TADA2A: variants seen among roughly 807,000 people sequenced by gnomAD.
TADA2A encodes the protein transcriptional adaptor 2A, also known as transcriptional adapter 2-alpha.
Under a neutral mutation model 67.4 loss-of-function variants are expected in TADA2A, and 38 were observed. The observed-to-expected ratio is 0.56, with a 90% CI of 0.44 to 0.74. The LOEUF is 0.74. Among genes scored for constraint, TADA2A ranks in the 30% least tolerant of loss-of-function variants. TADA2A has a pLI of 0.00. For synonymous variants in TADA2A, 192 were observed against 181.6 expected (o/e 1.06, Z -0.46); for missense variants, 454 against 547.0 (o/e 0.83, Z 1.70).
chr17:37,453,105 C>T (rs1043458255), intron 8 of TADA2A, among the ~76,000 whole-genome samples: 2 of 152,172 alleles, frequency 1.3e-5, no homozygotes, highest in Non-Finnish European at 2.9e-5. Flanking sequence ...GACATCTGCT[C>T]ATAGCCCAGC....
intron 12 of TADA2A, among the ~76,000 whole-genome samples, chr17:37,469,015 C>G (rs2053728003): frequency 6.6e-6 from 1 of 151,992 alleles, no homozygotes; most frequent in Non-Finnish European, 1.5e-5. Context: ...AGTCTCCTGC[C>G]TCAGCCTCCT....
chr17:37,444,462 C>T (rs899731924), intron 7 of TADA2A, among the ~76,000 whole-genome samples: 2 of 152,084 alleles, frequency 1.3e-5, no homozygotes, highest in African/African-American at 4.8e-5. Context: ...TAGCTTCATT[C>T]CTAAACTCAT....
At chr17:37,422,763 A>G (rs2052284877) in intron 2 of TADA2A, among the ~76,000 whole-genome samples, 1 of 152,090 alleles carries the variant, frequency 6.6e-6, no homozygotes. Flanking sequence ...TGGCCTCCCA[A>G]AGTGCTGGAA....
At chr17:37,420,282 T>G (rs776000586) in intron 2 of TADA2A, among the ~76,000 whole-genome samples, 3 of 146,818 alleles carry the variant, frequency 2.0e-5, no homozygotes, top group African/African-American at 4.9e-5. Context: ...AGATTTGTTC[T>G]TCTGCATTAA....
rs55935249 is a variant in TADA2A, at chr17:37,458,637, TTGTGTGTGTGTGTGTG to T, written c.668+72_668+87del. 3.1e-4 allele frequency: 303 copies of T among 981,552 alleles called. 1 individual carries two copies. Among genetic ancestry groups the T allele is most frequent in the Admixed American group, 1.3e-3 (60 of 47,720 alleles). 60.8% of individuals were successfully genotyped at this position (981,552 alleles called of 1,614,324 possible). On this transcript the variant is annotated intron_variant, in intron 9 of 15. Coordinates refer to ENST00000615182, the MANE Select transcript of TADA2A (RefSeq NM_001166105.3). ...CTCCTTTCAGCTTTGGATTATTGTT[TTGTGTGTGTGTGTGTG>T]TGTGTGTGTGTGTGTGTGTGTCTGT...
Position 37,444,251 on chromosome 17 carries a change from C to A in TADA2A, c.532-445C>A, listed in dbSNP as rs1256664055. Among the ~76,000 whole-genome samples the A allele has an allele frequency of 1.0e-4, 9 of 86,250 alleles. No individual in the cohort carries two copies. In the East Asian group the frequency reaches 3.3e-3, roughly 32 times the overall value. 56.6% of individuals were successfully genotyped at this position (86,250 alleles called of 152,430 possible). On this transcript the variant is annotated intron_variant, in intron 7 of 15. Coordinates refer to ENST00000615182, the MANE Select transcript of TADA2A (RefSeq NM_001166105.3). ...TCCAGCCTGAGTGACAGAGTAAGAC[C>A]CTGTTTCCAAAAAAAAAAAAAAAAG...
At position 37,444,700 on chromosome 17, in the gene TADA2A, T is replaced by G; in HGVS notation, c.536T>G (p.Phe179Cys). 6.2e-7 allele frequency: 1 copy of G among 1,613,834 alleles called. No homozygotes were observed. The highest frequency in any genetic ancestry group is 8.5e-7 in the Non-Finnish European group (1 of 1,179,908). ...MPARADFIEE[F>C]DNYAEWDLRD... ...TTTTTTTGTTCCCCTAAACAGGAAT[T>G]TGACAATTATGCAGAATGGGACTTG... The change falls in exon 8 of 16, where the codon TTT becomes TGT. Residue 179 changes from phenylalanine (F) to cysteine (C), a missense_variant. By Grantham distance (205) the Phe-to-Cys change is radical. Coordinates refer to ENST00000615182, the MANE Select transcript of TADA2A (RefSeq NM_001166105.3).
intron 14 of TADA2A, among the ~76,000 whole-genome samples, chr17:37,471,356 T>C (rs939959351): frequency 1.3e-5 from 2 of 152,112 alleles, no homozygotes; most frequent in Non-Finnish European, 2.9e-5. Context: ...ATAGACAGTA[T>C]AGAGACAGGG....
chr17:37,448,811 C>G (rs971519526), intron 8 of TADA2A, among the ~76,000 whole-genome samples: 6 of 152,186 alleles, frequency 3.9e-5, no homozygotes, highest in Admixed American at 1.3e-4. Context: ...TCTTCTCCCT[C>G]TGTTCTGGAA....
chr17:37,452,202 A>G (rs2053253737), intron 8 of TADA2A, among the ~76,000 whole-genome samples: 1 of 152,092 alleles, frequency 6.6e-6, no homozygotes, highest in Admixed American at 6.6e-5. Flanking sequence ...CAGGAGTTGC[A>G]GACCACCCTG....
chr17:37,446,665 CTTTTTA>C (rs988913692), intron 8 of TADA2A, among the ~76,000 whole-genome samples: 1 of 151,634 alleles, frequency 6.6e-6, no homozygotes, highest in African/African-American at 2.4e-5. Flanking sequence ...CTCCTCCCTG[CTTTTTA>C]TTTTTACCTA....
chr17:37,469,987 C>A (rs2053750872), intron 12 of TADA2A, among the ~76,000 whole-genome samples: 4 of 151,950 alleles, frequency 2.6e-5, no homozygotes. Context: ...TTTTGTAATT[C>A]TAATTGTTTT....
At position 37,411,386 on chromosome 17, in the gene TADA2A, T is replaced by G. The variant is rs1426998075; in HGVS notation, c.21T>G (p.Phe7Leu). The G allele has an allele frequency of 3.1e-6, 5 of 1,613,604 alleles. No individual in the cohort carries two copies. The highest frequency in any genetic ancestry group is 4.2e-6 in the Non-Finnish European group (5 of 1,179,672). The change falls in exon 2 of 16, where the codon TTT (phenylalanine) becomes TTG (leucine). Residue 7 changes from phenylalanine to leucine, a missense_variant. Coordinates refer to ENST00000615182, the MANE Select transcript of TADA2A (RefSeq NM_001166105.3). Reference sequence around the variant, plus strand: ...AGGGAATGGACCGTTTGGGTTCCTTTAGCAGTAAGTACAGTGGGAACAAGT... The same window carrying G: ...AGGGAATGGACCGTTTGGGTTCCTTGAGCAGTAAGTACAGTGGGAACAAGT... MDRLGS[F>L]SNDPSDKPPC...
intron 2 of TADA2A, among the ~76,000 whole-genome samples, chr17:37,417,328 A>G (rs1462633375): frequency 6.6e-6 from 1 of 150,410 alleles, no homozygotes; most frequent in Non-Finnish European, 1.5e-5. Flanking sequence ...GTGAGCTGAG[A>G]TCGCGCCACT....
At chr17:37,453,759 ATTTTTTTT>A (rs143096066) in intron 8 of TADA2A, among the ~76,000 whole-genome samples, 122 of 69,106 alleles carry the variant, frequency 1.8e-3, no homozygotes, top group Admixed American at 8.2e-3. Flanking sequence ...GAAATAACTG[ATTTTTTTT>A]TTTTTTTTTT....
chr17:37,438,028 C>T lies in TADA2A; in HGVS notation c.284+199C>T, dbSNP rs550067495. 5.0e-4 allele frequency: 267 copies of T among 539,272 alleles called. 1 individual carries two copies. Among genetic ancestry groups the T allele is most frequent in the East Asian group, 8.3e-4 (27 of 32,352 alleles). 33.4% of individuals were successfully genotyped at this position (539,272 alleles called of 1,614,324 possible). A position where few individuals can be genotyped will look rare whatever the true frequency, so the allele number is the denominator to read the frequency against. The stretch of plus-strand genomic sequence containing the variant: ...TGTCACGAGGATATGGGATGTTTAG[C>T]GGTCCATGACTGAGCAGCTTTAAAA... On this transcript the variant is annotated intron_variant, in intron 5 of 15. Transcript: ENST00000615182.
intron 4 of TADA2A, among the ~76,000 whole-genome samples, chr17:37,429,104 A>ATGTTATTCAGGCGTCTAGGGGCCTTTCTG (rs1568143842): frequency 1.3e-5 from 2 of 150,920 alleles, no homozygotes; most frequent in Admixed American, 6.6e-5. Context: ...GGGCCTTTCT[A>ATGTTATTCAGGCGTCTAGGGGCCTTTCTG]TGTTATTCAG....
At chr17:37,439,463 T>C (rs1171494440) in intron 5 of TADA2A, among the ~76,000 whole-genome samples, 1 of 152,016 alleles carries the variant, frequency 6.6e-6, no homozygotes, top group Non-Finnish European at 1.5e-5. Context: ...TTGTATTTTT[T>C]GTTGAGATAG....
At chr17:37,474,172 G>T (rs369218527) in intron 14 of TADA2A, among the ~76,000 whole-genome samples, 2 of 152,304 alleles carry the variant, frequency 1.3e-5, no homozygotes, top group East Asian at 3.9e-4. Context: ...CAGGGAGATT[G>T]AGGCTATAGT....
Sources: allele counts gnomAD v4.1 joint callset (sites outside exome capture counted in the v4.1 genomes callset), GRCh38; gene constraint gnomAD v4.1.1; transcripts MANE v1.5; gene names NCBI Gene and HGNC (gene_info 2026-07-23, HGNC 2026-07-21).